Variants in SMYD3 observed in about 807,000 individuals in gnomAD.
SMYD3 encodes the protein histone-lysine N-methyltransferase SMYD3.
In SMYD3, 36 loss-of-function variants were observed where a neutral mutation model predicts 57.7. The observed-to-expected ratio is 0.62, with a 90% CI of 0.48 to 0.82. The LOEUF (loss-of-function observed/expected upper bound fraction) is 0.82. Ranked by LOEUF, SMYD3 falls within the 40% of genes least tolerant of loss-of-function variation. The probability of loss-of-function intolerance (pLI) is 0.00; values close to 1 mark genes in which losing one functional copy is unlikely to be tolerated. For synonymous variants in SMYD3, 211 were observed against 195.0 expected (o/e 1.08, Z -0.68); for missense variants, 515 against 538.8 (o/e 0.96, Z 0.44).
chr1:246,136,151 T>C (rs1394551872), intron 5 of SMYD3, among the ~76,000 whole-genome samples: 1 of 152,150 alleles, frequency 6.6e-6, no homozygotes, highest in Non-Finnish European at 1.5e-5. Flanking sequence ...CACCAACAGA[T>C]TGGAGTTAAT....
intron 5 of SMYD3, among the ~76,000 whole-genome samples, chr1:245,937,873 C>T (rs943747883): frequency 6.6e-6 from 1 of 152,198 alleles, no homozygotes; most frequent in Non-Finnish European, 1.5e-5. Context: ...ATCTTACTCC[C>T]AGTACTAAAT....
chr1:245,797,551 G>A (rs1203300862), intron 10 of SMYD3, among the ~76,000 whole-genome samples: 2 of 150,632 alleles, frequency 1.3e-5, no homozygotes, highest in African/African-American at 4.9e-5. Flanking sequence ...GGGTAGGATA[G>A]CATTAGGAGA....
chr1:245,963,014 G>T (rs1174475546), intron 5 of SMYD3, among the ~76,000 whole-genome samples: 2 of 152,004 alleles, frequency 1.3e-5, no homozygotes, highest in African/African-American at 2.4e-5. Flanking sequence ...AGCACACTAA[G>T]AAAAATAAAA....
intron 5 of SMYD3, among the ~76,000 whole-genome samples, chr1:245,963,694 G>T (rs371425844): frequency 6.6e-6 from 1 of 152,142 alleles, no homozygotes; most frequent in African/African-American, 2.4e-5. Context: ...AAACACCAGA[G>T]AATTATGTTC....
intron 5 of SMYD3, among the ~76,000 whole-genome samples, chr1:246,007,178 C>T (rs904496714): frequency 2.6e-5 from 4 of 152,226 alleles, no homozygotes; most frequent in Non-Finnish European, 4.4e-5. Flanking sequence ...CACTCTGCTA[C>T]CCATCCCACA....
At position 245,867,661 on chromosome 1, in the gene SMYD3, TGC is replaced by T. The variant is rs879534821; in HGVS notation, c.814-3777_814-3776del. 9.5e-3 allele frequency among the ~76,000 whole-genome samples: 796 copies of T among 83,554 alleles called. 4 individuals are homozygous for T. The highest frequency in any genetic ancestry group is 0.023 in the African/African-American group (631 of 27,600). 54.8% of individuals were successfully genotyped at this position (83,554 alleles called of 152,430 possible). Reference sequence around the variant, plus strand: ...ATATGTGCATGCGCGTGCGTGTGCGTGCGCGCGCACACACACACACACACACA... The same window carrying T: ...ATATGTGCATGCGCGTGCGTGTGCGTGCGCGCACACACACACACACACACA... On this transcript the variant is annotated intron_variant, in intron 8 of 11. Transcript: ENST00000490107.
intron 5 of SMYD3, among the ~76,000 whole-genome samples, chr1:246,180,536 T>C (rs892156573): frequency 6.7e-6 from 1 of 149,862 alleles, no homozygotes; most frequent in African/African-American, 2.4e-5. Context: ...GGCAGGTGGA[T>C]CATGAAGTCA....
intron 5 of SMYD3, among the ~76,000 whole-genome samples, chr1:246,243,410 C>T (rs1017814300): frequency 6.6e-6 from 1 of 150,758 alleles, no homozygotes; most frequent in Non-Finnish European, 1.5e-5. Flanking sequence ...ACATAGTGAG[C>T]CCTTTCTATC....
At chr1:245,764,861 C>T (rs866072269) in intron 10 of SMYD3, among the ~76,000 whole-genome samples, 3 of 152,006 alleles carry the variant, frequency 2.0e-5, no homozygotes, top group Admixed American at 1.3e-4. Flanking sequence ...CACACGACTC[C>T]GGCTATGGGC....
At chr1:245,818,333 C>A (rs572330276) in intron 10 of SMYD3, among the ~76,000 whole-genome samples, 1 of 151,796 alleles carries the variant, frequency 6.6e-6, no homozygotes, top group African/African-American at 2.4e-5. Context: ...ACTTTACAGA[C>A]AAGCAAATGC....
intron 5 of SMYD3, among the ~76,000 whole-genome samples, chr1:245,981,681 G>T (rs1256398967): frequency 6.6e-6 from 1 of 152,116 alleles, no homozygotes; most frequent in African/African-American, 2.4e-5. Context: ...AGCAAAGAAG[G>T]AAACAGAAAA....
At chr1:246,374,433 C>T (rs1418096201) in intron 1 of SMYD3, among the ~76,000 whole-genome samples, 1 of 152,206 alleles carries the variant, frequency 6.6e-6, no homozygotes, top group Admixed American at 6.5e-5. Context: ...ACTGCCTTCT[C>T]AGCTCTCACA....
intron 1 of SMYD3, among the ~76,000 whole-genome samples, chr1:246,476,222 C>A (rs963379876): frequency 6.6e-6 from 1 of 152,154 alleles, no homozygotes; most frequent in Admixed American, 6.5e-5. Flanking sequence ...ACATTGCAAA[C>A]GTACCATCAT....
At chr1:245,787,115 A>G (rs1196239765) in intron 10 of SMYD3, among the ~76,000 whole-genome samples, 1 of 152,232 alleles carries the variant, frequency 6.6e-6, no homozygotes, top group African/African-American at 2.4e-5. Flanking sequence ...TTACTTTTCA[A>G]GATCACACAT....
chr1:246,404,342 A>G (rs955755056), intron 1 of SMYD3, among the ~76,000 whole-genome samples: 4 of 152,162 alleles, frequency 2.6e-5, no homozygotes, highest in African/African-American at 9.7e-5. Flanking sequence ...TGCCGCAATA[A>G]TTAGAGCTTC....
intron 10 of SMYD3, among the ~76,000 whole-genome samples, chr1:245,789,141 T>G (rs1288317034): frequency 6.6e-6 from 1 of 152,208 alleles, no homozygotes; most frequent in Non-Finnish European, 1.5e-5. Context: ...AATGTAGGTA[T>G]GACAAGGTGT....
At chr1:246,502,891 C>T (rs1206838270) in intron 1 of SMYD3, among the ~76,000 whole-genome samples, 4 of 152,180 alleles carry the variant, frequency 2.6e-5, no homozygotes, top group African/African-American at 9.7e-5. Flanking sequence ...GGCCAATAAG[C>T]TCCTCCACCT....
chr1:246,242,138 G>C (rs1255614370), intron 5 of SMYD3, among the ~76,000 whole-genome samples: 2 of 151,846 alleles, frequency 1.3e-5, no homozygotes, highest in African/African-American at 2.4e-5. Context: ...GCTAGCTTTT[G>C]AATGTGTTTG....
chr1:246,223,180 A>C (rs116426603), intron 5 of SMYD3, among the ~76,000 whole-genome samples: 1 of 152,080 alleles, frequency 6.6e-6, no homozygotes, highest in Non-Finnish European at 1.5e-5. Flanking sequence ...TCCTGTACCC[A>C]GGGTGAGGAG....
Sources: allele counts gnomAD v4.1 joint callset (sites outside exome capture counted in the v4.1 genomes callset), GRCh38; gene constraint gnomAD v4.1.1; transcripts MANE v1.5; gene names NCBI Gene and HGNC (gene_info 2026-07-23, HGNC 2026-07-21).